NRAP: variants seen among roughly 807,000 people sequenced by gnomAD.
NRAP encodes the protein nebulin-related-anchoring protein.
Under a neutral mutation model 225.9 loss-of-function variants are expected in NRAP, and 189 were observed. The observed-to-expected ratio is 0.84, with a 90% confidence interval of 0.74 to 0.94. The LOEUF is 0.94. Ranked by LOEUF, NRAP falls within the 40% of genes least tolerant of loss-of-function variation. NRAP has a pLI of 0.00. For missense variants in NRAP, 2,176 were observed against 2,168.7 expected, an observed-to-expected ratio of 1.00 and a Z score of -0.07; for synonymous variants, 769 against 790.7, an observed-to-expected ratio of 0.97 and a Z score of 0.46.
intron 35 of NRAP, among the ~76,000 whole-genome samples, chr10:113,603,905 C>T (rs58315919): frequency 0.22 from 32,957 of 152,128 alleles, 3,730 homozygotes; most frequent in South Asian, 0.31. Flanking sequence ...CACACACACA[C>T]GCACACTCAC....
intron 29 of NRAP, among the ~76,000 whole-genome samples, chr10:113,613,773 T>C (rs569152864): frequency 6.6e-6 from 1 of 152,168 alleles, no homozygotes; most frequent in Non-Finnish European, 1.5e-5. Flanking sequence ...TACAACCAAC[T>C]GTAGCCTTAA....
chr10:113,604,592 C>A lies in NRAP; in HGVS notation c.4227+17G>T. The A allele has an allele frequency of 6.2e-7, 1 of 1,604,144 alleles. No homozygotes were observed. The highest frequency in any genetic ancestry group is 1.7e-5 in the Admixed American group (1 of 59,746). On this transcript the variant is annotated intron_variant, in intron 35 of 41. Coordinates refer to ENST00000359988, the MANE Select transcript of NRAP (RefSeq NM_198060.4). Reference sequence around the variant, plus strand: ...AAAGGCTGGGGGCTGGTTTGCATTCCACAAGGCCACCCCTACCTCACTCTG... The same window carrying A: ...AAAGGCTGGGGGCTGGTTTGCATTCAACAAGGCCACCCCTACCTCACTCTG...
Position 113,597,087 on chromosome 10 carries a change from T to C in NRAP, c.4430A>G (p.Glu1477Gly), listed in dbSNP as rs1321351814. ...GATGAATGACAAGAAAGGACCCACC[T>C]CATTGCAGTGCATATAGCTGTTCTT... ...HAKNSYMHCNERMYRSGDAES... is the reference protein window; with the variant it reads ...HAKNSYMHCNGRMYRSGDAES... Residue 1477 changes from glutamate to glycine, a missense_variant and splice_region_variant, in exon 37 of 42, where the codon GAG (glutamate) becomes GGG (glycine). By Grantham distance (98) the Glu-to-Gly change is moderately conservative. Coordinates refer to ENST00000359988, the MANE Select transcript of NRAP (RefSeq NM_198060.4). The C allele has an allele frequency of 1.2e-6, 2 of 1,604,372 alleles. No homozygotes were observed. Among genetic ancestry groups the C allele is most frequent in the Non-Finnish European group, 8.5e-7 (1 of 1,171,126 alleles).
At chr10:113,595,194 A>G (rs1564695061) in intron 38 of NRAP, among the ~76,000 whole-genome samples, 1 of 152,206 alleles carries the variant, frequency 6.6e-6, no homozygotes, top group Non-Finnish European at 1.5e-5. Flanking sequence ...CCATTGCAGC[A>G]TCTTTCCAAA....
intron 7 of NRAP, among the ~76,000 whole-genome samples, chr10:113,650,806 G>A (rs569655199): frequency 2.6e-5 from 4 of 152,256 alleles, no homozygotes; most frequent in Admixed American, 2.6e-4. Flanking sequence ...CCAGGCACTG[G>A]GCCTGGGCAG....
At chr10:113,605,102 C>T (rs1592744985) in intron 34 of NRAP, among the ~76,000 whole-genome samples, 182 bp from the exon 35 acceptor site, 1 of 152,168 alleles carries the variant, frequency 6.6e-6, no homozygotes, top group African/African-American at 2.4e-5. Flanking sequence ...TTCTTCCTAT[C>T]TAATTAAAAT....
Position 113,631,541 on chromosome 10 carries a change from G to T in NRAP, c.1810C>A (p.His604Asn), listed in dbSNP as rs776270525. The change falls in exon 18 of 42, where the codon CAC (histidine) becomes AAC (asparagine). Residue 604 changes from histidine to asparagine, a missense_variant. By Grantham distance (68) the His-to-Asn change is moderately conservative. Transcript: ENST00000359988. ...CTCATCTTAGCAATCTGCAGGGAGTGCAGAAGCCTAGAGTCGGCTGTTCCC... is the reference window on the plus strand; with the variant it reads ...CTCATCTTAGCAATCTGCAGGGAGTTCAGAAGCCTAGAGTCGGCTGTTCCC... ...AMGTADSRLL[H>N]SLQIAKMSSE... 22 of 1,612,086 alleles carry T rather than the reference G, an allele frequency of 1.4e-5. 1 individual carries two copies. Among genetic ancestry groups the T allele is most frequent in the Middle Eastern group, 1.6e-4 (1 of 6,080 alleles).
Position 113,652,973 on chromosome 10 carries a change from A to G in NRAP, c.532T>C (p.Tyr178His). 1 of 1,613,370 alleles carries G rather than the reference A, an allele frequency of 6.2e-7. No individual in the cohort carries two copies. The change falls in exon 6 of 42, where the codon TAT becomes CAT. Residue 178 changes from tyrosine (Y) to histidine (H), a missense_variant. By Grantham distance (83) the Tyr-to-His change is moderately conservative. Transcript: ENST00000359988. Reference protein sequence around the residue: ...GSFPAMITPAYQRAKKANQLA... With the variant: ...GSFPAMITPAHQRAKKANQLA... ...TGGTTGGCTTTCTTGGCCCTTTGAT[A>G]AGCAGGTGTGATCATGGCTGGAAAG...
At chr10:113,626,865 A>C (rs1156432142) in intron 20 of NRAP, among the ~76,000 whole-genome samples, 2 of 152,192 alleles carry the variant, frequency 1.3e-5, no homozygotes, top group Non-Finnish European at 2.9e-5. Flanking sequence ...GCAAATTTTC[A>C]ATGTGCTAAT....
Position 113,606,161 on chromosome 10 carries a change from G to A in NRAP, c.3807+17C>T. 1 of 1,585,160 alleles carries A rather than the reference G, an allele frequency of 6.3e-7. No homozygotes were observed. Among genetic ancestry groups the A allele is most frequent in the Non-Finnish European group, 8.7e-7 (1 of 1,153,462 alleles). On this transcript the variant is annotated intron_variant, in intron 33 of 41. Coordinates refer to ENST00000359988, the MANE Select transcript of NRAP (RefSeq NM_198060.4). ...GGCTTTGGAGCATGCTTGAACTTAAGTAACAAAAGGGCTTACGTCACTCAG... is the reference window on the plus strand; with the variant it reads ...GGCTTTGGAGCATGCTTGAACTTAAATAACAAAAGGGCTTACGTCACTCAG...
At position 113,652,955 on chromosome 10, in the gene NRAP, C is replaced by T; in HGVS notation, c.550G>A (p.Ala184Thr). The change falls in exon 6 of 42, where the codon GCC becomes ACC. Residue 184 changes from alanine to threonine, a missense_variant. Around this residue, in one of 3 missense-constraint regions of NRAP, gnomAD observed 1,708 missense variants for 1,695.5 expected, o/e 1.01. Transcript: ENST00000359988. ...CTCACTTGGCTGGCCAGCTGGTTGG[C>T]TTTCTTGGCCCTTTGATAAGCAGGT... The part of the protein sequence containing the change: ...ITPAYQRAKK[A>T]NQLASQVEYK... 1 of 1,612,642 alleles carries T rather than the reference C, an allele frequency of 6.2e-7. No homozygotes were observed.
At position 113,624,935 on chromosome 10, in the gene NRAP, T is replaced by A. The variant is rs1478634171; in HGVS notation, c.2245-5A>T. 3 of 1,603,518 alleles carry A rather than the reference T, an allele frequency of 1.9e-6. No homozygotes were observed. ...ATTTCCTGCCTTGTAGGCCACCTGT[T>A]GGGAAAGAGCACTGAGTCAGGAGCA... On this transcript the variant is annotated splice_polypyrimidine_tract_variant and splice_region_variant and intron_variant, in intron 21 of 41. Coordinates refer to ENST00000359988, the MANE Select transcript of NRAP (RefSeq NM_198060.4).
intron 25 of NRAP, among the ~76,000 whole-genome samples, chr10:113,619,740 A>C (rs147694121): frequency 1.2e-3 from 190 of 152,144 alleles, no homozygotes; most frequent in African/African-American, 4.5e-3. Flanking sequence ...TCTGAAGACA[A>C]CTAGGCAAAT....
intron 35 of NRAP, among the ~76,000 whole-genome samples, chr10:113,599,975 C>G (rs754996402): frequency 1.3e-5 from 2 of 152,116 alleles, no homozygotes; most frequent in Non-Finnish European, 2.9e-5. Context: ...GCTTTCAGTC[C>G]CTGAGTTCTA....
In NRAP at chr10:113,624,848, G is replaced by A; in HGVS notation, c.2327C>T (p.Ala776Val). The A allele has an allele frequency of 6.2e-7, 1 of 1,613,776 alleles. No individual in the cohort carries two copies. Among genetic ancestry groups the A allele is most frequent in the Non-Finnish European group, 8.5e-7 (1 of 1,179,680 alleles). ...TACCTCGCTGAGATTTGCAGCATTG[G>A]CTCGGGCCTGCAGGAAGAGAGGCTC... Reference protein sequence around the residue: ...KDEPLFLQARANAANLSEKLY... With the variant: ...KDEPLFLQARVNAANLSEKLY... The change falls in exon 22 of 42, where the codon GCC becomes GTC. Residue 776 changes from alanine (A) to valine (V), a missense_variant. Transcript: ENST00000359988.
At chr10:113,657,925 G>A (rs530508533) in intron 3 of NRAP, among the ~76,000 whole-genome samples, 1 of 152,270 alleles carries the variant, frequency 6.6e-6, no homozygotes, top group Non-Finnish European at 1.5e-5. Context: ...CCATCACCCA[G>A]GGAGCTTATT....
chr10:113,645,814 C>G lies in NRAP; in HGVS notation c.1110+11G>C. ...TGATGCTCATGGGTGTGACTCTTCCCCCATACGCACCTCACTCACGAGTTT... is the reference window on the plus strand; with the variant it reads ...TGATGCTCATGGGTGTGACTCTTCCGCCATACGCACCTCACTCACGAGTTT... On this transcript the variant is annotated intron_variant, in intron 11 of 41. Coordinates refer to ENST00000359988, the MANE Select transcript of NRAP (RefSeq NM_198060.4). The G allele has an allele frequency of 7.4e-7, 1 of 1,351,668 alleles. No homozygotes were observed. The highest frequency in any genetic ancestry group is 1.1e-6 in the Non-Finnish European group (1 of 946,216). 83.7% of individuals were successfully genotyped at this position (1,351,668 alleles called of 1,614,324 possible). A position where few individuals can be genotyped will look rare whatever the true frequency, so the allele number is the denominator to read the frequency against.
At chr10:113,620,891 T>C (rs913781863) in intron 24 of NRAP, among the ~76,000 whole-genome samples, 183 bp from the exon 25 acceptor site, 3 of 152,156 alleles carry the variant, frequency 2.0e-5, no homozygotes, top group African/African-American at 7.2e-5. Context: ...ATTCCCCCTT[T>C]AATTGGAGCC....
At chr10:113,589,607 G>A in intron 41 of NRAP, 59 bp downstream of exon 41, 4 of 1,556,000 alleles carry the variant, frequency 2.6e-6, no homozygotes, top group East Asian at 2.3e-5. Flanking sequence ...AAGAAACAAT[G>A]AGTTTGTCTT....
Sources: gnomAD v4.1 joint callset for allele counts (sites outside exome capture counted in the v4.1 genomes callset) on GRCh38, gnomAD v4.1.1 for gene constraint, gnomAD v4.1.1 regional missense constraint, MANE v1.5 for transcripts, NCBI Gene and HGNC (gene_info 2026-07-23, HGNC 2026-07-21) for gene names.